The following ROR2 variants were observed in gnomAD, a reference collection of about 807,000 sequenced individuals.
ROR2 encodes the protein tyrosine-protein kinase transmembrane receptor ROR2.
ROR2 carries 33 observed loss-of-function variants against 74.9 expected under a neutral mutation model. The observed-to-expected ratio is 0.44, with a 90% CI of 0.33 to 0.59. The LOEUF (loss-of-function observed/expected upper bound fraction) is 0.59. Among genes scored for constraint, ROR2 ranks in the 20% least tolerant of loss-of-function variants. ROR2 has a pLI of 0.02. For synonymous variants in ROR2, 586 were observed against 558.7 expected (o/e 1.05, Z -0.69); for missense variants, 1,216 against 1,313.8 (o/e 0.93, Z 1.15).
intron 1 of ROR2, among the ~76,000 whole-genome samples, chr9:91,869,542 C>T (rs1313869760): frequency 6.6e-6 from 1 of 152,158 alleles, no homozygotes; most frequent in African/African-American, 2.4e-5. Flanking sequence ...AGGTATTATG[C>T]TGAGTGAATA....
intron 1 of ROR2, among the ~76,000 whole-genome samples, chr9:91,826,523 C>T (rs1828295287): frequency 1.3e-5 from 2 of 152,060 alleles, no homozygotes; most frequent in Admixed American, 6.6e-5. Context: ...GCCTCACACC[C>T]GTAATCCCAC....
intron 1 of ROR2, among the ~76,000 whole-genome samples, chr9:91,911,689 T>C (rs535830858): frequency 1.3e-5 from 2 of 152,218 alleles, no homozygotes; most frequent in African/African-American, 2.4e-5. Context: ...AGGCTAGAAT[T>C]AGTGGAGGAG....
intron 1 of ROR2, among the ~76,000 whole-genome samples, chr9:91,909,842 G>GTTT (rs1232142986): frequency 0.028 from 1,561 of 54,870 alleles, 178 homozygotes; most frequent in East Asian, 0.035. Flanking sequence ...TTTTAGGTTT[G>GTTT]TTTTGTTTTT....
chr9:91,808,180 G>A (rs911855974), intron 1 of ROR2, among the ~76,000 whole-genome samples: 1 of 152,124 alleles, frequency 6.6e-6, no homozygotes. Flanking sequence ...AAGTGAGGGG[G>A]TGAAAATCTA....
At chr9:91,860,049 G>A (rs1336117245) in intron 1 of ROR2, among the ~76,000 whole-genome samples, 3 of 152,206 alleles carry the variant, frequency 2.0e-5, no homozygotes, top group Non-Finnish European at 2.9e-5. Context: ...CTCTCTTGGG[G>A]AGGCGAGTGG....
intron 1 of ROR2, among the ~76,000 whole-genome samples, chr9:91,832,507 G>A (rs1281051928): frequency 2.0e-5 from 3 of 151,722 alleles, no homozygotes; most frequent in Admixed American, 1.3e-4. Context: ...CGGCTGTCAT[G>A]TGACTGACTT....
intron 1 of ROR2, among the ~76,000 whole-genome samples, chr9:91,939,429 G>C (rs1216597168): frequency 6.6e-6 from 1 of 152,100 alleles, no homozygotes; most frequent in East Asian, 1.9e-4. Context: ...TTTATAATCT[G>C]CATTTTCTTG....
intron 1 of ROR2, among the ~76,000 whole-genome samples, chr9:91,924,569 G>A (rs1421355706): frequency 1.3e-5 from 2 of 152,154 alleles, no homozygotes; most frequent in Non-Finnish European, 2.9e-5. Flanking sequence ...AGAGGCGGGC[G>A]GATCACGAGG....
chr9:91,903,670 A>G (rs1033805022), intron 1 of ROR2, among the ~76,000 whole-genome samples: 151 of 152,284 alleles, frequency 9.9e-4, no homozygotes, highest in African/African-American at 3.3e-3. Flanking sequence ...CATTCTCAAC[A>G]TCCCCAAAGG....
intron 1 of ROR2, among the ~76,000 whole-genome samples, chr9:91,821,863 G>A (rs1196646920): frequency 2.0e-5 from 3 of 152,144 alleles, no homozygotes; most frequent in African/African-American, 7.2e-5. Context: ...GCAGTTCCCA[G>A]GCACTGGGAC....
chr9:91,911,608 G>A (rs1222935794), intron 1 of ROR2, among the ~76,000 whole-genome samples: 1 of 152,122 alleles, frequency 6.6e-6, no homozygotes, highest in East Asian at 1.9e-4. Flanking sequence ...ATGCAGAAGA[G>A]ATGGTGAAAT....
intron 1 of ROR2, among the ~76,000 whole-genome samples, chr9:91,920,896 T>C (rs1360895872): frequency 6.6e-6 from 1 of 152,232 alleles, no homozygotes; most frequent in Non-Finnish European, 1.5e-5. Context: ...TTCACTGATC[T>C]GCATCAAAAT....
chr9:91,850,042 C>T (rs1341131526), intron 1 of ROR2, among the ~76,000 whole-genome samples: 1 of 152,182 alleles, frequency 6.6e-6, no homozygotes, highest in Non-Finnish European at 1.5e-5. Context: ...ATCCTCATAT[C>T]GACTTCTCTG....
At chr9:91,729,961 T>C (rs1194860052) in intron 7 of ROR2, among the ~76,000 whole-genome samples, 2 of 152,114 alleles carry the variant, frequency 1.3e-5, no homozygotes, top group Non-Finnish European at 1.5e-5. Context: ...TGGTGTTTTT[T>C]GTTTTTTGTT....
intron 1 of ROR2, among the ~76,000 whole-genome samples, chr9:91,832,582 A>C (rs977740973): frequency 1.1e-4 from 16 of 152,026 alleles, no homozygotes; most frequent in Admixed American, 6.6e-5. Flanking sequence ...AGGCCTCAAA[A>C]GCAAAGCAGC....
At chr9:91,820,637 G>T (rs1828111644) in intron 1 of ROR2, among the ~76,000 whole-genome samples, 1 of 152,146 alleles carries the variant, frequency 6.6e-6, no homozygotes, top group African/African-American at 2.4e-5. Context: ...ATAGCCAAGT[G>T]CTTCCTATCG....
intron 1 of ROR2, among the ~76,000 whole-genome samples, chr9:91,918,155 C>A (rs546244725): frequency 6.6e-6 from 1 of 152,044 alleles, no homozygotes; most frequent in Admixed American, 6.5e-5. Flanking sequence ...GTAGTCCCAG[C>A]TACTTGGGAG....
chr9:91,866,888 A>C (rs1008226198), intron 1 of ROR2, among the ~76,000 whole-genome samples: 74 of 152,194 alleles, frequency 4.9e-4, no homozygotes, highest in African/African-American at 1.6e-3. Flanking sequence ...TTTGGGGAGA[A>C]AATGGAAAGG....
chr9:91,865,753 G>A (rs1277829117), intron 1 of ROR2, among the ~76,000 whole-genome samples: 6 of 152,186 alleles, frequency 3.9e-5, no homozygotes, highest in African/African-American at 1.4e-4. Flanking sequence ...TGAAAACAAG[G>A]TGGCTTATTT....
Sources: gnomAD v4.1 joint callset for allele counts (sites outside exome capture counted in the v4.1 genomes callset) on GRCh38, gnomAD v4.1.1 for gene constraint, MANE v1.5 for transcripts, NCBI Gene and HGNC (gene_info 2026-07-23, HGNC 2026-07-21) for gene names.